The following RELCH variants were observed in gnomAD, a reference collection of about 807,000 sequenced individuals.
RELCH encodes RAB11 binding and LisH domain, coiled-coil and HEAT repeat containing, also known as RAB11-binding protein RELCH.
Under a neutral mutation model 150.3 loss-of-function variants are expected in RELCH, and 41 were observed. The ratio of observed to expected loss-of-function variants is 0.27; its 90% confidence interval spans 0.21 to 0.35. RELCH has a LOEUF of 0.35. RELCH is among the 10% of genes least tolerant of loss of function. The probability of loss-of-function intolerance (pLI) is 1.00; values close to 1 mark genes in which losing one functional copy is unlikely to be tolerated. For missense variants in RELCH, 1,092 were observed against 1,467.8 expected, an observed-to-expected ratio of 0.74 and a Z score of 4.18; for synonymous variants, 478 against 531.8, an observed-to-expected ratio of 0.90 and a Z score of 1.39.
chr18:62,201,536 A>G (rs2039444660), intron 1 of RELCH, among the ~76,000 whole-genome samples: 1 of 152,132 alleles, frequency 6.6e-6, no homozygotes, highest in Non-Finnish European at 1.5e-5. Flanking sequence ...TGCCCATATT[A>G]AAGTATATAT....
chr18:62,221,226 A>T lies in RELCH; in HGVS notation c.696A>T (p.Glu232Asp). The T allele has an allele frequency of 1.2e-6, 2 of 1,610,072 alleles. No homozygotes were observed. The highest frequency in any genetic ancestry group is 1.7e-6 in the Non-Finnish European group (2 of 1,176,812). ...RANLTKAAEH[E>D]VPLQERKNYK... Reference sequence around the variant, plus strand: ...TATGTTTTTTTCCACCAGAACATGAAGTTCCTTTACAGGAACGAAAAAATT... The same window carrying T: ...TATGTTTTTTTCCACCAGAACATGATGTTCCTTTACAGGAACGAAAAAATT... Residue 232 changes from glutamate (E) to aspartate (D), a missense_variant, in exon 4 of 29, where the codon GAA becomes GAT. Glu to Asp is a conservative substitution (Grantham distance 45). Transcript: ENST00000644646.
rs550875253 is a variant in RELCH, at chr18:62,301,516, T to C, written c.3530+2656T>C. ...AACTTTATTTATAAAAACAGCAGGC[T>C]AGATTTGGCCTGCTACCTGTAGCCA... On this transcript the variant is annotated intron_variant, in intron 28 of 28. Coordinates refer to ENST00000644646, the MANE Select transcript of RELCH (RefSeq NM_001346231.2). 1.8e-3 allele frequency among the ~76,000 whole-genome samples: 277 copies of C among 152,356 alleles called. 1 individual carries two copies. Among genetic ancestry groups the C allele is most frequent in the African/African-American group, 6.1e-3 (254 of 41,588 alleles).
chr18:62,207,232 T>C (rs1228961587), intron 1 of RELCH, among the ~76,000 whole-genome samples: 1 of 152,224 alleles, frequency 6.6e-6, no homozygotes, highest in Non-Finnish European at 1.5e-5. Flanking sequence ...GTGCAATTTA[T>C]ATAGATGGAA....
intron 10 of RELCH, among the ~76,000 whole-genome samples, chr18:62,239,879 C>A (rs1464573715): frequency 6.6e-6 from 1 of 151,996 alleles, no homozygotes; most frequent in Admixed American, 6.6e-5. Flanking sequence ...TTCCTCCACG[C>A]CTTCTGTGCT....
chr18:62,305,304 C>G lies in RELCH; in HGVS notation c.3531-110C>G. ...ACTACCCTCCATAAATATTAGTTTCCCTTTTGTGACGCCAATTCAGAGTGT... is the reference window on the plus strand; with the variant it reads ...ACTACCCTCCATAAATATTAGTTTCGCTTTTGTGACGCCAATTCAGAGTGT... On this transcript the variant is annotated intron_variant, in intron 28 of 28. Transcript: ENST00000644646. The surrounding 1 kb of genome is among the most constrained non-coding windows in gnomAD (Gnocchi z 4.0). 1.1e-6 allele frequency: 1 copy of G among 886,288 alleles called. No individual in the cohort carries two copies. The highest frequency in any genetic ancestry group is 2.9e-5 in the Admixed American group (1 of 34,424). The allele number at this position is 886,288 out of a possible 1,614,324, so 54.9% of individuals were successfully genotyped here. A position where few individuals can be genotyped will look rare whatever the true frequency, so the allele number is the denominator to read the frequency against.
chr18:62,231,740 T>C (rs972083467), intron 9 of RELCH, among the ~76,000 whole-genome samples: 5 of 151,984 alleles, frequency 3.3e-5, no homozygotes, highest in African/African-American at 9.7e-5. Context: ...ATTATTACTG[T>C]TTTTTCTTAC....
chr18:62,221,614 G>C (rs926836571), intron 5 of RELCH, 117 bp downstream of exon 5: 2 of 476,778 alleles, frequency 4.2e-6, no homozygotes, highest in African/African-American at 4.2e-5. Flanking sequence ...ATTCTACAAG[G>C]CTAGTTACTA....
intron 18 of RELCH, among the ~76,000 whole-genome samples, chr18:62,266,183 A>G (rs2043551665): frequency 6.6e-6 from 1 of 151,922 alleles, no homozygotes. Context: ...TTAAAGTTAA[A>G]TTCTGTATTT....
In RELCH at chr18:62,187,267, A is replaced by T. The variant is rs911235260; in HGVS notation, c.-239A>T. Reference sequence around the variant, plus strand: ...AGGGGCACGCTCCAGTTCTCGCGAGACTGGAGACCAGGAAGACGCCTGCAG... The same window carrying T: ...AGGGGCACGCTCCAGTTCTCGCGAGTCTGGAGACCAGGAAGACGCCTGCAG... On this transcript the variant is annotated 5_prime_UTR_variant, in exon 1 of 29. Coordinates refer to ENST00000644646, the MANE Select transcript of RELCH (RefSeq NM_001346231.2). The T allele has an allele frequency of 2.9e-6, 1 of 340,366 alleles. No homozygotes were observed. Among genetic ancestry groups the T allele is most frequent in the Non-Finnish European group, 5.3e-6 (1 of 187,244 alleles). The allele number at this position is 340,366 out of a possible 1,614,324, so 21.1% of individuals were successfully genotyped here.
intron 2 of RELCH, among the ~76,000 whole-genome samples, chr18:62,215,958 A>G (rs1218721304): frequency 6.6e-6 from 1 of 152,192 alleles, no homozygotes; most frequent in African/African-American, 2.4e-5. Context: ...CATATGAAGC[A>G]TACATTTTTA....
rs112878140 is a variant in RELCH at position 62,233,931 on chromosome 18, A to G, written c.1620+1504A>G. 5.0e-3 allele frequency among the ~76,000 whole-genome samples: 765 copies of G among 152,090 alleles called. 9 individuals are homozygous for G. Among genetic ancestry groups the G allele is most frequent in the African/African-American group, 0.018 (733 of 41,540 alleles). ...TTATACATACAGATTATCTACCTAT[A>G]TGCACACATATAACTAATTTGTGGT... On this transcript the variant is annotated intron_variant, in intron 10 of 28. Transcript: ENST00000644646.
At chr18:62,287,217 T>C (rs1390358158) in intron 25 of RELCH, 134 bp from the exon 26 acceptor site, 11 of 608,446 alleles carry the variant, frequency 1.8e-5, no homozygotes, top group Non-Finnish European at 2.9e-5. Flanking sequence ...GTATAAGATA[T>C]GGGTAATCTT....
chr18:62,235,133 G>C (rs1240318193), intron 10 of RELCH: 1 of 151,958 alleles, frequency 6.6e-6, no homozygotes. Context: ...TTCATTTTGA[G>C]TTAATTTTTA....
chr18:62,289,601 A>G (rs1228908188), intron 26 of RELCH, among the ~76,000 whole-genome samples: 2 of 152,202 alleles, frequency 1.3e-5, no homozygotes, highest in African/African-American at 2.4e-5. Flanking sequence ...ACAAGCAGAG[A>G]TAACAGAGGC....
chr18:62,237,875 T>C (rs2041955277), intron 10 of RELCH, among the ~76,000 whole-genome samples: 1 of 151,792 alleles, frequency 6.6e-6, no homozygotes, highest in African/African-American at 2.4e-5. Flanking sequence ...CTTTTTTAAA[T>C]AGAAAGCACG....
At chr18:62,269,662 A>G (rs2043783654) in intron 20 of RELCH, 1 of 195,076 alleles carries the variant, frequency 5.1e-6, no homozygotes, top group South Asian at 7.9e-5. Flanking sequence ...CTTTGCATTT[A>G]TATGCTACCA....
intron 2 of RELCH, among the ~76,000 whole-genome samples, chr18:62,219,351 A>G (rs1238414197): frequency 2.9e-5 from 2 of 69,688 alleles, no homozygotes; most frequent in Non-Finnish European, 5.8e-5. Context: ...TCATATTTCT[A>G]TCATTCTGGC....
chr18:62,268,010 T>G (rs1277849555), intron 19 of RELCH, among the ~76,000 whole-genome samples: 1 of 152,070 alleles, frequency 6.6e-6, no homozygotes, highest in Non-Finnish European at 1.5e-5. Flanking sequence ...AAAATGGAAC[T>G]GTCTTTTTTG....
chr18:62,274,868 G>T (rs2044108455), intron 21 of RELCH, among the ~76,000 whole-genome samples: 1 of 152,234 alleles, frequency 6.6e-6, no homozygotes, highest in Non-Finnish European at 1.5e-5. Context: ...TATGCTAAAA[G>T]ATTGTGGTTG....
Sources: allele counts gnomAD v4.1 joint callset (sites outside exome capture counted in the v4.1 genomes callset), GRCh38; gene constraint gnomAD v4.1.1; non-coding constraint Gnocchi (gnomAD v3.1); transcripts MANE v1.5; gene names NCBI Gene and HGNC (gene_info 2026-07-23, HGNC 2026-07-21).